The following ZC3H18 variants were observed in gnomAD, a reference collection of about 807,000 sequenced individuals.
ZC3H18 encodes zinc finger CCCH-type containing 18, also known as zinc finger CCCH domain-containing protein 18.
ZC3H18 carries 8 observed loss-of-function variants against 106.1 expected under a neutral mutation model. The observed-to-expected ratio is 0.08, with a 90% CI of 0.04 to 0.14. The LOEUF (loss-of-function observed/expected upper bound fraction) is 0.14. Ranked by LOEUF, ZC3H18 falls within the 10% of genes least tolerant of loss-of-function variation. The pLI, the probability that ZC3H18 is intolerant of heterozygous loss-of-function variation, is 1.00. For missense variants in ZC3H18, 1,318 were observed against 1,278.4 expected, an observed-to-expected ratio of 1.03 and a Z score of -0.47; for synonymous variants, 635 against 522.1, an observed-to-expected ratio of 1.22 and a Z score of -2.95.
At chr16:88,581,137 CT>C (rs549153636) in intron 2 of ZC3H18, among the ~76,000 whole-genome samples, 1 of 152,190 alleles carries the variant, frequency 6.6e-6, no homozygotes, top group Non-Finnish European at 1.5e-5. Flanking sequence ...ATTCTTTTCT[CT>C]TTTTCTTAGT....
chr16:88,627,573 C>A lies in ZC3H18; in HGVS notation c.2109-49C>A. On this transcript the variant is annotated intron_variant, in intron 13 of 17. Transcript: ENST00000301011. This position sits in a 1 kb window ranked among gnomAD's most constrained non-coding sequence, Gnocchi z 4.5. Reference sequence around the variant, plus strand: ...GACCATGGAGCACCCCCTGCTGGCCCCTCCCTCCAGTCTGGCTGGGGTGTG... The same window carrying A: ...GACCATGGAGCACCCCCTGCTGGCCACTCCCTCCAGTCTGGCTGGGGTGTG... The A allele has an allele frequency of 6.4e-7, 1 of 1,557,108 alleles. No individual in the cohort carries two copies.
chr16:88,631,194 A>G lies in ZC3H18; in HGVS notation c.2757A>G (p.Ser919=), dbSNP rs768191359. 1.9e-6 allele frequency: 3 copies of G among 1,613,704 alleles called. No individual in the cohort carries two copies. Among genetic ancestry groups the G allele is most frequent in the South Asian group, 2.2e-5 (2 of 91,074 alleles). Reference sequence around the variant, plus strand: ...ATCCCGGCGCCGCCAGCACCAAATCAGGGAAGGCCAGCACGCTGTCTCGGC... The same window carrying G: ...ATCCCGGCGCCGCCAGCACCAAATCGGGGAAGGCCAGCACGCTGTCTCGGC... ...ASDPGAASTK[S]GKASTLSRRE... is the part of the protein sequence containing the mutation. Residue 919 remains serine, a synonymous_variant, in exon 18 of 18, where the codon TCA becomes TCG. Coordinates refer to ENST00000301011, the MANE Select transcript of ZC3H18 (RefSeq NM_144604.4).
At chr16:88,616,489 C>T (rs1905613997) in intron 8 of ZC3H18, among the ~76,000 whole-genome samples, 1 of 152,184 alleles carries the variant, frequency 6.6e-6, no homozygotes, top group South Asian at 2.1e-4. Flanking sequence ...AGTCCCCGGT[C>T]TTGGCTTCAC....
chr16:88,580,802 C>G (rs975902233), intron 2 of ZC3H18, among the ~76,000 whole-genome samples: 3 of 152,188 alleles, frequency 2.0e-5, no homozygotes, highest in African/African-American at 7.2e-5. Flanking sequence ...GGAAAGCAGC[C>G]TCTGCGTGTG....
chr16:88,610,913 C>T (rs1905239714), intron 7 of ZC3H18, among the ~76,000 whole-genome samples: 1 of 152,204 alleles, frequency 6.6e-6, no homozygotes, highest in Non-Finnish European at 1.5e-5. Flanking sequence ...AATTGCTGCC[C>T]TGAGTTAGTC....
chr16:88,599,821 C>A lies in ZC3H18; in HGVS notation c.961C>A (p.Gln321Lys). ...VLKKATIRKEQEPDFEEKRFT... is the reference protein window; with the variant it reads ...VLKKATIRKEKEPDFEEKRFT... Reference sequence around the variant, plus strand: ...AAAAAAAGCAACTATTCGAAAAGAACAGGAGCCTGATTTTGAAGAGAAAAG... The same window carrying A: ...AAAAAAAGCAACTATTCGAAAAGAAAAGGAGCCTGATTTTGAAGAGAAAAG... Residue 321 changes from glutamine to lysine, a missense_variant, in exon 6 of 18, where the codon CAG becomes AAG. Transcript: ENST00000301011. 2.5e-6 allele frequency: 4 copies of A among 1,613,864 alleles called. No homozygotes were observed. Among genetic ancestry groups the A allele is most frequent in the Non-Finnish European group, 3.4e-6 (4 of 1,179,940 alleles).
chr16:88,603,368 C>A (rs923317007), intron 6 of ZC3H18, among the ~76,000 whole-genome samples: 1 of 151,492 alleles, frequency 6.6e-6, no homozygotes, highest in African/African-American at 2.4e-5. Flanking sequence ...CGCCTGTAAT[C>A]CCAGCACTTT....
At chr16:88,586,367 T>C (rs1915430327) in intron 2 of ZC3H18, among the ~76,000 whole-genome samples, 1 of 152,232 alleles carries the variant, frequency 6.6e-6, no homozygotes, top group Non-Finnish European at 1.5e-5. Flanking sequence ...TTGCCCTGTG[T>C]GCTGCACAGT....
chr16:88,625,675 C>T (rs7185325), intron 13 of ZC3H18: 12,096 of 200,236 alleles, frequency 0.06, 469 homozygotes, highest in Middle Eastern at 0.1. Context: ...GTGGGGAAGC[C>T]GATAAAAACA....
chr16:88,576,362 C>A (rs933082056), intron 1 of ZC3H18, among the ~76,000 whole-genome samples: 1 of 152,134 alleles, frequency 6.6e-6, no homozygotes, highest in Non-Finnish European at 1.5e-5. Context: ...TTTACATACG[C>A]GCGGTACTTA....
At position 88,624,311 on chromosome 16, in the gene ZC3H18, GC is replaced by G. The variant is rs1372500962; in HGVS notation, c.1898+251del. ...GCACAGCCCTGGGGACACGGCAGCA[GC>G]CGGGTGTTCTTAAGGGGTCTTCCTA... is the stretch of plus-strand genomic sequence containing the variant. On this transcript the variant is annotated intron_variant, in intron 11 of 17. Coordinates refer to ENST00000301011, the MANE Select transcript of ZC3H18 (RefSeq NM_144604.4). The G allele has an allele frequency of 4.6e-6, 3 of 658,238 alleles. No homozygotes were observed. The East Asian group carries it at 8.2e-5, about 18-fold the overall frequency. The allele number at this position is 658,238 out of a possible 1,614,324, so 40.8% of individuals were successfully genotyped here. A position where few individuals can be genotyped will look rare whatever the true frequency, so the allele number is the denominator to read the frequency against.
chr16:88,580,156 C>CTGTGTGTG (rs56406234), intron 2 of ZC3H18, among the ~76,000 whole-genome samples: 140 of 126,898 alleles, frequency 1.1e-3, no homozygotes, highest in East Asian at 3.5e-3. Flanking sequence ...ACAGGTTCAT[C>CTGTGTGTG]TGTGTGTGTG....
chr16:88,605,464 C>T (rs1313285709), intron 6 of ZC3H18, among the ~76,000 whole-genome samples: 1 of 152,248 alleles, frequency 6.6e-6, no homozygotes, highest in Non-Finnish European at 1.5e-5. Flanking sequence ...TCGCTGCTCC[C>T]TTTGTGAGCT....
chr16:88,571,027 A>G (rs1299335116), intron 1 of ZC3H18, among the ~76,000 whole-genome samples: 1 of 152,176 alleles, frequency 6.6e-6, no homozygotes, highest in Non-Finnish European at 1.5e-5. Context: ...CGCAGCTTCA[A>G]AGTGTGCACA....
chr16:88,599,787 G>T lies in ZC3H18; in HGVS notation c.931-4G>T. On this transcript the variant is annotated splice_region_variant and splice_polypyrimidine_tract_variant and intron_variant, in intron 5 of 17. Transcript: ENST00000301011. Reference sequence around the variant, plus strand: ...TGTTGACTTCTTTCTTCTTACAATGGTAGGTTTTAAAAAAAGCAACTATTC... The same window carrying T: ...TGTTGACTTCTTTCTTCTTACAATGTTAGGTTTTAAAAAAAGCAACTATTC... 1 of 1,605,632 alleles carries T rather than the reference G, an allele frequency of 6.2e-7. No individual in the cohort carries two copies. The highest frequency in any genetic ancestry group is 8.5e-7 in the Non-Finnish European group (1 of 1,177,422).
At chr16:88,611,724 A>T (rs1905285075) in intron 8 of ZC3H18, among the ~76,000 whole-genome samples, 188 bp downstream of exon 8, 1 of 151,718 alleles carries the variant, frequency 6.6e-6, no homozygotes, top group African/African-American at 2.4e-5. Context: ...TTTCTGTAAA[A>T]CTCCCAAGGC....
chr16:88,619,226 A>T (rs1251675194), intron 8 of ZC3H18, among the ~76,000 whole-genome samples: 5 of 152,086 alleles, frequency 3.3e-5, no homozygotes, highest in African/African-American at 7.3e-5. Flanking sequence ...GTGAGCCAAG[A>T]TCGCACCACC....
chr16:88,581,275 A>T (rs991742947), intron 2 of ZC3H18, among the ~76,000 whole-genome samples: 5 of 152,174 alleles, frequency 3.3e-5, no homozygotes, highest in Non-Finnish European at 7.3e-5. Flanking sequence ...GTGCCAAGCC[A>T]CTGTCCCTGG....
chr16:88,587,481 T>C, intron 3 of ZC3H18: 2 of 1,414,588 alleles, frequency 1.4e-6, no homozygotes, highest in South Asian at 1.2e-5. Context: ...TAGATGACTG[T>C]CACTGCCAGC....
Sources: allele counts gnomAD v4.1 joint callset (sites outside exome capture counted in the v4.1 genomes callset), GRCh38; gene constraint gnomAD v4.1.1; non-coding constraint Gnocchi (gnomAD v3.1); transcripts MANE v1.5; gene names NCBI Gene and HGNC (gene_info 2026-07-23, HGNC 2026-07-21).